RORA: variants seen among roughly 807,000 people sequenced by gnomAD.
RORA encodes the protein nuclear receptor ROR-alpha.
RORA carries 7 observed loss-of-function variants against 69.5 expected under a neutral mutation model. The observed-to-expected ratio is 0.10, with a 90% CI of 0.06 to 0.19. The LOEUF is 0.19. Ranked by LOEUF, RORA falls within the 10% of genes least tolerant of loss-of-function variation. RORA has a pLI of 1.00. For missense variants in RORA, 457 were observed against 663.0 expected (o/e 0.69, Z 3.41); for synonymous variants, 261 against 240.8 (o/e 1.08, Z -0.78).
At chr15:60,602,970 T>C (rs1424969485) in intron 2 of RORA, among the ~76,000 whole-genome samples, 1 of 152,124 alleles carries the variant, frequency 6.6e-6, no homozygotes, top group Non-Finnish European at 1.5e-5. Context: ...CAACCAGAGA[T>C]GTTTTGTGTC....
At chr15:60,961,615 T>C (rs77819806) in intron 1 of RORA, among the ~76,000 whole-genome samples, 4,165 of 152,170 alleles carry the variant, frequency 0.027, 172 homozygotes, top group African/African-American at 0.096. Context: ...TGAAAGACTT[T>C]CCCGGCTCTG....
At chr15:61,217,111 A>C (rs139709213) in intron 1 of RORA, among the ~76,000 whole-genome samples, 30 of 152,296 alleles carry the variant, frequency 2.0e-4, no homozygotes, top group African/African-American at 7.2e-4. Flanking sequence ...GGAAGTGCCT[A>C]GCTGGTGTAC....
chr15:60,750,291 T>C (rs569035185), intron 1 of RORA, among the ~76,000 whole-genome samples: 3 of 152,336 alleles, frequency 2.0e-5, no homozygotes, highest in Admixed American at 1.3e-4. Context: ...CTCTCCACCA[T>C]GCCACTGGTC....
At position 60,718,434 on chromosome 15, in the gene RORA, A is replaced by G. The variant is rs1312726341; in HGVS notation, c.167-39748T>C. On this transcript the variant is annotated intron_variant, in intron 1 of 10. Transcript: ENST00000335670. ...TGGTCACTCCTCACTTTTAAAAATGAGTCCGGTAAATGAAAAAACGTTAGA... is the reference window on the plus strand; with the variant it reads ...TGGTCACTCCTCACTTTTAAAAATGGGTCCGGTAAATGAAAAAACGTTAGA... 4.6e-5 allele frequency among the ~76,000 whole-genome samples: 7 copies of G among 152,236 alleles called. No homozygotes were observed. In the South Asian group the frequency reaches 1.4e-3, roughly 32 times the overall value.
intron 2 of RORA, among the ~76,000 whole-genome samples, chr15:60,587,814 CA>C (rs1415109708): frequency 6.6e-6 from 1 of 152,138 alleles, no homozygotes; most frequent in Non-Finnish European, 1.5e-5. Flanking sequence ...TGAGGGCTAA[CA>C]AATTTCATTC....
At chr15:61,149,182 C>G (rs2079376311) in intron 1 of RORA, among the ~76,000 whole-genome samples, 1 of 152,236 alleles carries the variant, frequency 6.6e-6, no homozygotes, top group Non-Finnish European at 1.5e-5. Context: ...TCGCCAGCTT[C>G]CACCAGAAAT....
In RORA at chr15:60,754,332, T is replaced by G. The variant is rs150175519; in HGVS notation, c.167-75646A>C. Among the ~76,000 whole-genome samples, 19 of 152,332 alleles carry G rather than the reference T, an allele frequency of 1.2e-4. No homozygotes were observed. The East Asian group carries it at 3.5e-3, about 28-fold the overall frequency. ...TTCTCACTTAGCTCTTTTAGAAGAC[T>G]GCTCTTAACACCAACATATGGGGTT... On this transcript the variant is annotated intron_variant, in intron 1 of 10. Transcript: ENST00000335670.
intron 1 of RORA, among the ~76,000 whole-genome samples, chr15:61,114,029 G>T (rs1331057102): frequency 1.3e-5 from 2 of 152,070 alleles, no homozygotes. Flanking sequence ...AAATTCCTAC[G>T]CCAGCAATAT....
chr15:60,536,198 A>T (rs1389704898), intron 2 of RORA, among the ~76,000 whole-genome samples: 2 of 152,230 alleles, frequency 1.3e-5, no homozygotes. Flanking sequence ...AGATTCAAGG[A>T]TGTGATACAT....
rs1555435946 is a variant in RORA, at chr15:60,597,551, C to CAACATAT, written c.197-65701_197-65700insATATGTT. Among the ~76,000 whole-genome samples the CAACATAT allele has an allele frequency of 3.8e-3, 96 of 25,100 alleles. 1 individual carries two copies. The highest frequency in any genetic ancestry group is 6.0e-3 in the Non-Finnish European group (82 of 13,572). 16.5% of individuals were successfully genotyped at this position (25,100 alleles called of 152,430 possible). A position where few individuals can be genotyped will look rare whatever the true frequency, so the allele number is the denominator to read the frequency against. On this transcript the variant is annotated intron_variant, in intron 2 of 10. Transcript: ENST00000335670. ...CACACACACACACACACACACACAA[C>CAACATAT]ATATATATATATATATATATATACA...
chr15:60,569,690 A>G (rs1255184781), intron 2 of RORA, among the ~76,000 whole-genome samples: 1 of 152,208 alleles, frequency 6.6e-6, no homozygotes, highest in Non-Finnish European at 1.5e-5. Context: ...CGACAGCTCA[A>G]AAGGGTGAAT....
intron 1 of RORA, among the ~76,000 whole-genome samples, chr15:60,929,705 T>C (rs1171788932): frequency 1.3e-5 from 2 of 152,110 alleles, no homozygotes; most frequent in African/African-American, 4.8e-5. Flanking sequence ...ATCAGGAGGT[T>C]TTCCCGCTTC....
intron 1 of RORA, among the ~76,000 whole-genome samples, chr15:61,093,063 G>A (rs2078731727): frequency 6.6e-6 from 1 of 152,146 alleles, no homozygotes; most frequent in African/African-American, 2.4e-5. Context: ...CAATACTGCT[G>A]CCTCGTTCTC....
At chr15:61,159,456 T>C (rs1157094127) in intron 1 of RORA, among the ~76,000 whole-genome samples, 1 of 152,202 alleles carries the variant, frequency 6.6e-6, no homozygotes, top group African/African-American at 2.4e-5. Flanking sequence ...CAAAAACTGA[T>C]GGTTATTGCA....
At chr15:61,192,967 T>C (rs2079814357) in intron 1 of RORA, among the ~76,000 whole-genome samples, 3 of 152,210 alleles carry the variant, frequency 2.0e-5, no homozygotes, top group Admixed American at 2.0e-4. Flanking sequence ...ATTCCTATTA[T>C]CTTATAACTC....
At chr15:60,541,984 T>C (rs2066886305) in intron 2 of RORA, among the ~76,000 whole-genome samples, 1 of 152,232 alleles carries the variant, frequency 6.6e-6, no homozygotes, top group Non-Finnish European at 1.5e-5. Flanking sequence ...ATTCTATGAC[T>C]GTCCTGAAAA....
chr15:61,003,012 C>T (rs1485826586), intron 1 of RORA, among the ~76,000 whole-genome samples: 6 of 147,592 alleles, frequency 4.1e-5, no homozygotes, highest in East Asian at 2.0e-4. Flanking sequence ...GGTGTGGTGG[C>T]GGGCGCCTGT....
At chr15:61,032,493 T>C (rs1031691460) in intron 1 of RORA, among the ~76,000 whole-genome samples, 2 of 152,220 alleles carry the variant, frequency 1.3e-5, no homozygotes, top group African/African-American at 2.4e-5. Flanking sequence ...CAAGAACTTC[T>C]ATATTTGATC....
rs59044853 is a variant in RORA, at chr15:60,819,746, G to GACACACACACAC, written c.167-141072_167-141061dup. 6.3e-3 allele frequency among the ~76,000 whole-genome samples: 750 copies of GACACACACACAC among 119,334 alleles called. 18 individuals are homozygous for GACACACACACAC. The highest frequency in any genetic ancestry group is 0.018 in the Admixed American group (208 of 11,578). 78.3% of individuals were successfully genotyped at this position (119,334 alleles called of 152,430 possible). ...CACTCCTGGACTGAAGTCAAACCCA[G>GACACACACACAC]ACACACACACACACACACACACACA... On this transcript the variant is annotated intron_variant, in intron 1 of 10. Coordinates refer to ENST00000335670, the MANE Select transcript of RORA (RefSeq NM_134261.3).
Sources: allele counts gnomAD v4.1 joint callset (sites outside exome capture counted in the v4.1 genomes callset), GRCh38; gene constraint gnomAD v4.1.1; transcripts MANE v1.5; gene names NCBI Gene and HGNC (gene_info 2026-07-23, HGNC 2026-07-21).